ZNF675: variants seen among roughly 807,000 people sequenced by gnomAD.
ZNF675 encodes the protein TRAF6 inhibitory zinc finger.
In ZNF675, 36 loss-of-function variants were observed where a neutral mutation model predicts 56.1. That is an observed-to-expected ratio of 0.64 (90% CI 0.49 to 0.85). ZNF675 has a LOEUF of 0.85. Ranked by LOEUF, ZNF675 falls within the 40% of genes least tolerant of loss-of-function variation. ZNF675 has a pLI of 0.00. For synonymous variants in ZNF675, 200 were observed against 218.9 expected (o/e 0.91, Z 0.76); for missense variants, 663 against 654.2 (o/e 1.01, Z -0.15).
chr19:23,658,255 G>T (rs761617957), intron 3 of ZNF675: 2 of 151,978 alleles, frequency 1.3e-5, no homozygotes, highest in Non-Finnish European at 2.9e-5. Context: ...TAGATACTCA[G>T]GAGGTGGAGA....
At chr19:23,674,836 G>C (rs1172328012) in intron 1 of ZNF675, among the ~76,000 whole-genome samples, 23 of 151,186 alleles carry the variant, frequency 1.5e-4, no homozygotes, top group Non-Finnish European at 4.4e-5. Flanking sequence ...GCTGGGCATG[G>C]TGGCACATGC....
rs543289389 is a variant in ZNF675, at chr19:23,684,559, G to A, written c.3+2472C>T. ...CTCAGGAGGCTGAGGCAGGAGAATC[G>A]CTTGAACCTGGGAGGCGGAGGTTGC... On this transcript the variant is annotated intron_variant, in intron 1 of 3. Transcript: ENST00000359788. 4.2e-4 allele frequency among the ~76,000 whole-genome samples: 64 copies of A among 152,118 alleles called. No homozygotes were observed. In the South Asian group the frequency reaches 7.7e-3, roughly 18 times the overall value.
chr19:23,676,321 G>A (rs1447775173), intron 1 of ZNF675, among the ~76,000 whole-genome samples: 2 of 151,560 alleles, frequency 1.3e-5, no homozygotes, highest in African/African-American at 4.9e-5. Context: ...CCAAATAATT[G>A]AGAAAGGACT....
chr19:23,670,863 C>T (rs1263864383), intron 1 of ZNF675, among the ~76,000 whole-genome samples: 1 of 152,122 alleles, frequency 6.6e-6, no homozygotes, highest in African/African-American at 2.4e-5. Flanking sequence ...AAGAACAAAT[C>T]TTTTGACGCC....
Position 23,653,316 on chromosome 19 carries a change from C to G in ZNF675, c.1617G>C (p.Glu539Asp). Residue 539 changes from glutamate (E) to aspartate (D), a missense_variant, in exon 4 of 4, where the codon GAG becomes GAC. Glu to Asp is a conservative substitution (Grantham distance 45). Around this residue, in one of 3 missense-constraint regions of ZNF675, gnomAD observed 617 missense variants for 590.5 expected, o/e 1.04. Coordinates refer to ENST00000359788, the MANE Select transcript of ZNF675 (RefSeq NM_138330.3). The stretch of plus-strand genomic sequence containing the variant: ...ATTGGTTAAAAGCTTTGTCACATCT[C>G]TCACATTTATAGGGTTTCTCTCCAG... ...IHTGEKPYKC[E>D]RCDKAFNQSA... 1 of 1,613,576 alleles carries G rather than the reference C, an allele frequency of 6.2e-7. No homozygotes were observed. The highest frequency in any genetic ancestry group is 8.5e-7 in the Non-Finnish European group (1 of 1,179,866).
At position 23,653,495 on chromosome 19, in the gene ZNF675, A is replaced by AG; in HGVS notation, c.1437dup (p.Tyr480LeufsTer4). ...GCTTTGCCACATTCTTCACACTTGT[A>AG]GGGTATCTCTCCAGAATGAATTTTC... is the stretch of plus-strand genomic sequence containing the variant. On this transcript the variant is annotated frameshift_variant, in exon 4 of 4. Transcript: ENST00000359788. LOFTEE classifies it high-confidence loss of function. The AG allele has an allele frequency of 1.2e-6, 2 of 1,613,206 alleles. No homozygotes were observed. The highest frequency in any genetic ancestry group is 1.7e-6 in the Non-Finnish European group (2 of 1,179,826).
rs540265821 is a variant in ZNF675, at chr19:23,663,915, G to T, written c.4-757C>A. 2.0e-5 allele frequency among the ~76,000 whole-genome samples: 3 copies of T among 152,258 alleles called. No individual in the cohort carries two copies. The South Asian group carries it at 6.2e-4, about 32-fold the overall frequency. The stretch of plus-strand genomic sequence containing the variant: ...GAAATGTTGAGTTATCTACACCTTT[G>T]CATGTTCAATAGCCACAGGTAACAT... On this transcript the variant is annotated intron_variant, in intron 1 of 3. Transcript: ENST00000359788.
At chr19:23,668,620 G>A (rs997893830) in intron 1 of ZNF675, among the ~76,000 whole-genome samples, 8 of 152,234 alleles carry the variant, frequency 5.3e-5, no homozygotes, top group Non-Finnish European at 8.8e-5. Context: ...AGGAACCCAC[G>A]GAGGCGAGGG....
At chr19:23,660,903 A>G (rs1968067571) in intron 3 of ZNF675, among the ~76,000 whole-genome samples, 1 of 151,522 alleles carries the variant, frequency 6.6e-6, no homozygotes, top group East Asian at 1.9e-4. Flanking sequence ...AAAAGAACAA[A>G]GTAGAAGAAT....
chr19:23,661,008 T>C (rs1045333660), intron 3 of ZNF675, among the ~76,000 whole-genome samples: 3 of 151,240 alleles, frequency 2.0e-5, no homozygotes, highest in Admixed American at 6.6e-5. Context: ...TGGCTCACTG[T>C]AACCTCCACC....
At chr19:23,683,203 AAG>A (rs1336029614) in intron 1 of ZNF675, among the ~76,000 whole-genome samples, 2 of 151,468 alleles carry the variant, frequency 1.3e-5, no homozygotes, top group Admixed American at 6.6e-5. Context: ...AAAAAAAAGA[AAG>A]TTATCTAGTA....
chr19:23,654,254 G>C lies in ZNF675; in HGVS notation c.679C>G (p.Leu227Val). The C allele has an allele frequency of 1.2e-6, 2 of 1,613,434 alleles. No homozygotes were observed. Among genetic ancestry groups the C allele is most frequent in the Non-Finnish European group, 1.7e-6 (2 of 1,179,814 alleles). ...CTGTCACATTCTTGACATTTGTAGA[G>C]TTTCTCACAAGTATAAATTCTTTTA... ...KHKRIYTCEK[L>V]YKCQECDRTF... The change falls in exon 4 of 4, where the codon CTC becomes GTC. Residue 227 changes from leucine to valine, a missense_variant. Coordinates refer to ENST00000359788, the MANE Select transcript of ZNF675 (RefSeq NM_138330.3).
chr19:23,670,929 G>A lies in ZNF675; in HGVS notation c.4-7771C>T, dbSNP rs528359755. Among the ~76,000 whole-genome samples, 126 of 152,166 alleles carry A rather than the reference G, an allele frequency of 8.3e-4. No individual in the cohort carries two copies. In the South Asian group the frequency reaches 9.8e-3, roughly 12 times the overall value. ...TGAAACCCTCAGGGCAAACACTCAG[G>A]ACCAGAAACAGTTCCCACTACTGAT... On this transcript the variant is annotated intron_variant, in intron 1 of 3. Transcript: ENST00000359788.
In ZNF675 at chr19:23,653,703, G is replaced by A; in HGVS notation, c.1230C>T (p.Ala410=). ...ECGKAFKHSS[A]LTTHKRIHTG... is the part of the protein sequence containing the mutation. The stretch of plus-strand genomic sequence containing the variant: ...TGTGAATTCTCTTATGTGTAGTAAG[G>A]GCTGAGGAGTGTTTAAAAGCTTTGC... Residue 410 remains alanine, a synonymous_variant, in exon 4 of 4, where the codon GCC becomes GCT. Coordinates refer to ENST00000359788, the MANE Select transcript of ZNF675 (RefSeq NM_138330.3). 1 of 1,612,168 alleles carries A rather than the reference G, an allele frequency of 6.2e-7. No homozygotes were observed. The highest frequency in any genetic ancestry group is 8.5e-7 in the Non-Finnish European group (1 of 1,179,562).
At chr19:23,672,476 T>C (rs1043410554) in intron 1 of ZNF675, among the ~76,000 whole-genome samples, 3 of 152,204 alleles carry the variant, frequency 2.0e-5, no homozygotes, top group Non-Finnish European at 4.4e-5. Context: ...AAAGGGGTTT[T>C]AATATTTCCA....
chr19:23,677,997 G>A (rs1387598427), intron 1 of ZNF675, among the ~76,000 whole-genome samples: 1 of 151,460 alleles, frequency 6.6e-6, no homozygotes, highest in Non-Finnish European at 1.5e-5. Flanking sequence ...GTGCATGCCT[G>A]CAATCCCAGC....
At chr19:23,674,380 C>T (rs972662916) in intron 1 of ZNF675, among the ~76,000 whole-genome samples, 10 of 151,672 alleles carry the variant, frequency 6.6e-5, no homozygotes, top group South Asian at 2.1e-4. Context: ...AGGGGCTCAA[C>T]GCCTGTAATC....
chr19:23,675,052 T>C (rs765272742), intron 1 of ZNF675, among the ~76,000 whole-genome samples: 1 of 151,772 alleles, frequency 6.6e-6, no homozygotes, highest in Non-Finnish European at 1.5e-5. Flanking sequence ...TCTGGATATG[T>C]TGAACTCTTC....
At chr19:23,658,835 A>AGATCTATATCTC (rs1968027285) in intron 3 of ZNF675, among the ~76,000 whole-genome samples, 1 of 144,834 alleles carries the variant, frequency 6.9e-6, no homozygotes, top group African/African-American at 2.6e-5. Context: ...CTCTATAGAT[A>AGATCTATATCTC]TATAGATATA....
Sources: gnomAD v4.1 joint callset for allele counts (sites outside exome capture counted in the v4.1 genomes callset) on GRCh38, gnomAD v4.1.1 for gene constraint, gnomAD v4.1.1 regional missense constraint, MANE v1.5 for transcripts, NCBI Gene and HGNC (gene_info 2026-07-23, HGNC 2026-07-21) for gene names.